The following CSMD1 variants were observed in gnomAD, a reference collection of about 807,000 sequenced individuals.
CSMD1 encodes CUB and Sushi multiple domains 1, also known as CUB and sushi domain-containing protein 1.
Under a neutral mutation model 417.5 loss-of-function variants are expected in CSMD1, and 213 were observed. The ratio of observed to expected loss-of-function variants is 0.51; its 90% CI spans 0.46 to 0.57. The LOEUF (loss-of-function observed/expected upper bound fraction) is 0.57, where lower values mean the gene tolerates loss of function less well. Ranked by LOEUF, CSMD1 falls within the 20% of genes least tolerant of loss-of-function variation. The probability of loss-of-function intolerance (pLI) is 0.00; values close to 1 mark genes in which losing one functional copy is unlikely to be tolerated. For synonymous variants in CSMD1, 2,862 were observed against 1,736.8 expected (o/e 1.65, Z -16.11); for missense variants, 6,923 against 4,529.7 (o/e 1.53, Z -15.17).
chr8:4,224,224 G>T (rs750199387), intron 3 of CSMD1, among the ~76,000 whole-genome samples: 1 of 24,682 alleles, frequency 4.1e-5, no homozygotes, highest in Non-Finnish European at 7.5e-5. Context: ...TCCTAAAAAG[G>T]CCTTTTTCAG....
intron 3 of CSMD1, among the ~76,000 whole-genome samples, chr8:4,297,502 G>C (rs546107685): frequency 3.9e-5 from 6 of 152,116 alleles, no homozygotes; most frequent in African/African-American, 1.2e-4. Context: ...GTTACATTCA[G>C]GCCATTTTTG....
At chr8:4,002,265 G>C (rs1815748033) in intron 4 of CSMD1, among the ~76,000 whole-genome samples, 3 of 152,014 alleles carry the variant, frequency 2.0e-5, no homozygotes, top group Non-Finnish European at 4.4e-5. Context: ...GTGTGTGTTT[G>C]TGTTTGAAAG....
chr8:3,637,218 T>C (rs142039946), intron 7 of CSMD1, among the ~76,000 whole-genome samples: 1 of 152,344 alleles, frequency 6.6e-6, no homozygotes, highest in Non-Finnish European at 1.5e-5. Context: ...TATTCTAACT[T>C]TTACTAGGTA....
At chr8:4,835,097 G>A (rs753769804) in intron 1 of CSMD1, among the ~76,000 whole-genome samples, 5 of 149,194 alleles carry the variant, frequency 3.4e-5, no homozygotes, top group East Asian at 2.0e-4. Flanking sequence ...ATAGATATTA[G>A]AAACCTGGGA....
intron 4 of CSMD1, among the ~76,000 whole-genome samples, chr8:4,025,541 T>C (rs1218584095): frequency 1.3e-5 from 2 of 152,344 alleles, no homozygotes; most frequent in East Asian, 3.9e-4. Flanking sequence ...TCTTCTCTTT[T>C]TTCATATTTC....
chr8:4,422,831 G>A (rs779426998), intron 2 of CSMD1, among the ~76,000 whole-genome samples: 1 of 152,050 alleles, frequency 6.6e-6, no homozygotes, highest in African/African-American at 2.4e-5. Flanking sequence ...TATACACGAT[G>A]ATCAAATGGT....
At position 4,959,484 on chromosome 8, in the gene CSMD1, G is replaced by C. The variant is rs139386771; in HGVS notation, c.85+34848C>G. Among the ~76,000 whole-genome samples the C allele has an allele frequency of 3.0e-3, 458 of 152,338 alleles. 2 individuals are homozygous for C. Among genetic ancestry groups the C allele is most frequent in the Non-Finnish European group, 5.3e-3 (363 of 68,032 alleles). On this transcript the variant is annotated intron_variant, in intron 1 of 69. Transcript: ENST00000635120. ...AGAGGCAACGCCCTCAGGATATCCT[G>C]TTTGTTCTATCTTCAAACGTATCCA...
intron 3 of CSMD1, among the ~76,000 whole-genome samples, chr8:4,167,921 A>G (rs909387386): frequency 3.3e-5 from 5 of 152,052 alleles, no homozygotes; most frequent in Non-Finnish European, 7.4e-5. Flanking sequence ...TGAGGTCAGG[A>G]GTTCAAGACC....
At chr8:3,630,879 T>C (rs905386553) in intron 7 of CSMD1, among the ~76,000 whole-genome samples, 3 of 152,136 alleles carry the variant, frequency 2.0e-5, no homozygotes. Flanking sequence ...GGTCTGTTGG[T>C]TATATGCATG....
intron 10 of CSMD1, among the ~76,000 whole-genome samples, chr8:3,543,554 G>C (rs1395441827): frequency 2.6e-5 from 4 of 151,958 alleles, no homozygotes; most frequent in African/African-American, 9.7e-5. Context: ...AATGAACAGA[G>C]TGTATGGGTC....
intron 7 of CSMD1, chr8:3,702,011 T>C (rs2291215): frequency 6.6e-6 from 1 of 151,734 alleles, no homozygotes; most frequent in African/African-American, 2.4e-5. Context: ...AAAACATTGA[T>C]TGCCCAATAC....
chr8:3,503,307 A>G (rs987627082), intron 10 of CSMD1, among the ~76,000 whole-genome samples: 13 of 152,228 alleles, frequency 8.5e-5, no homozygotes, highest in African/African-American at 3.1e-4. Context: ...ATAAACTACA[A>G]TTCAATGCAC....
intron 4 of CSMD1, among the ~76,000 whole-genome samples, chr8:4,029,663 C>A (rs556101849): frequency 1.2e-4 from 19 of 152,258 alleles, no homozygotes; most frequent in African/African-American, 4.3e-4. Context: ...CCTGGACCCA[C>A]CCAAATCTCA....
chr8:4,295,626 T>C (rs534938943), intron 3 of CSMD1, among the ~76,000 whole-genome samples: 1 of 145,432 alleles, frequency 6.9e-6, no homozygotes, highest in Non-Finnish European at 1.5e-5. Context: ...TATATATATA[T>C]AAACATATAT....
chr8:4,530,581 G>A (rs1213957162), intron 2 of CSMD1, among the ~76,000 whole-genome samples: 1 of 150,956 alleles, frequency 6.6e-6, no homozygotes, highest in Non-Finnish European at 1.5e-5. Context: ...ACTTATGAGT[G>A]AGGAACATGC....
At chr8:4,352,542 C>G (rs1801157958) in intron 3 of CSMD1, among the ~76,000 whole-genome samples, 1 of 152,174 alleles carries the variant, frequency 6.6e-6, no homozygotes, top group African/African-American at 2.4e-5. Context: ...AGAATGCAGA[C>G]ATCATCTATG....
intron 54 of CSMD1, among the ~76,000 whole-genome samples, chr8:2,997,010 T>C (rs534525339): frequency 6.6e-6 from 1 of 152,250 alleles, no homozygotes; most frequent in Non-Finnish European, 1.5e-5. Context: ...TAAGCTGGGG[T>C]GGTTCCCTCC....
At chr8:3,467,372 T>C (rs1348815586) in intron 12 of CSMD1, among the ~76,000 whole-genome samples, 1 of 152,156 alleles carries the variant, frequency 6.6e-6, no homozygotes, top group East Asian at 1.9e-4. Flanking sequence ...CAGCAGCAAA[T>C]GCAGGTCATG....
At chr8:3,889,493 A>ATATATATATATATAT (rs1491523329) in intron 5 of CSMD1, among the ~76,000 whole-genome samples, 1 of 44,380 alleles carries the variant, frequency 2.3e-5, no homozygotes, top group African/African-American at 7.4e-5. Context: ...ATATATATAT[A>ATATATATATATATAT]AAATATGCTC....
Sources: gnomAD v4.1 joint callset for allele counts (sites outside exome capture counted in the v4.1 genomes callset) on GRCh38, gnomAD v4.1.1 for gene constraint, MANE v1.5 for transcripts, NCBI Gene and HGNC (gene_info 2026-07-23, HGNC 2026-07-21) for gene names.